The following RXYLT1 variants were observed in gnomAD, a reference collection of about 807,000 sequenced individuals.
The protein encoded by RXYLT1 is ribitol xylosyltransferase 1, also known as ribitol-5-phosphate xylosyltransferase 1.
Under a neutral mutation model 43.5 loss-of-function variants are expected in RXYLT1, and 41 were observed. The ratio of observed to expected loss-of-function variants is 0.94; its 90% CI spans 0.73 to 1.22. RXYLT1 has a LOEUF of 1.22. Among genes scored for constraint, RXYLT1 ranks in the 50% most tolerant of loss-of-function variants. The pLI, the probability that RXYLT1 is intolerant of heterozygous loss-of-function variation, is 0.00. For missense variants in RXYLT1, 514 were observed against 532.0 expected (o/e 0.97, Z 0.33); for synonymous variants, 166 against 194.4 (o/e 0.85, Z 1.21).
chr12:63,784,068 C>T lies in RXYLT1; in HGVS notation c.326-902C>T, dbSNP rs536470049. ...TAGATAATCTATAATAATCTCTTCA[C>T]CTCAGCATCCTTAACTTAATCATAT... On this transcript the variant is annotated intron_variant, in intron 2 of 5. Transcript: ENST00000261234. Among the ~76,000 whole-genome samples, 3 of 152,246 alleles carry T rather than the reference C, an allele frequency of 2.0e-5. No individual in the cohort carries two copies. In the East Asian group the frequency reaches 5.8e-4, roughly 29 times the overall value.
intron 3 of RXYLT1, among the ~76,000 whole-genome samples, chr12:63,786,471 A>G (rs2136222714): frequency 6.6e-6 from 1 of 152,284 alleles, no homozygotes; most frequent in South Asian, 2.1e-4. Flanking sequence ...TTATGTTTAC[A>G]CTGTACTACA....
rs1262523973 is a variant in RXYLT1, at chr12:63,780,049, G to A, written c.89G>A (p.Gly30Glu). Residue 30 changes from glycine to glutamate, a missense_variant, in exon 1 of 6, where the codon GGG becomes GAG. Physicochemically the swap from Gly to Glu is moderately conservative, Grantham distance 98. Transcript: ENST00000261234. ...TACGCTGCCTACCACGTCTTCTTCG[G>A]GCGCCGCCGCCAGGCGCCGGCCGGG... ...SLYAAYHVFF[G>E]RRRQAPAGSP... The A allele has an allele frequency of 1.9e-6, 3 of 1,606,818 alleles. No homozygotes were observed. Among genetic ancestry groups the A allele is most frequent in the South Asian group, 2.2e-5 (2 of 90,940 alleles).
At position 63,781,082 on chromosome 12, in the gene RXYLT1, AAC is replaced by A. The variant is rs1897671226; in HGVS notation, c.237_238del (p.His79GlnfsTer3). 1.9e-6 allele frequency: 3 copies of A among 1,610,516 alleles called. No individual in the cohort carries two copies. Among genetic ancestry groups the A allele is most frequent in the Non-Finnish European group, 2.5e-6 (3 of 1,178,760 alleles). The stretch of plus-strand genomic sequence containing the variant: ...GAAGGAGATGAAAAAAATGAGCAAC[AAC>A]ACAGATTTAAAACTAGCCTTCAAAT... On this transcript the variant is annotated frameshift_variant, in exon 2 of 6. Coordinates refer to ENST00000261234, the MANE Select transcript of RXYLT1 (RefSeq NM_014254.3). LOFTEE classifies it high-confidence loss of function.
chr12:63,789,062 C>T (rs1897865975), intron 3 of RXYLT1, among the ~76,000 whole-genome samples: 1 of 152,152 alleles, frequency 6.6e-6, no homozygotes, highest in Middle Eastern at 3.4e-3. Context: ...TTTTACTGGC[C>T]CAACCAGAAA....
At chr12:63,790,325 A>G (rs1565901530) in intron 3 of RXYLT1, 1 of 152,052 alleles carries the variant, frequency 6.6e-6, no homozygotes, top group Non-Finnish European at 1.5e-5. Flanking sequence ...TCAGAAAGAA[A>G]GACAGAAATA....
intron 5 of RXYLT1, 108 bp from the exon 6 acceptor site, chr12:63,808,565 TAA>T: frequency 8.0e-7 from 1 of 1,255,242 alleles, no homozygotes; most frequent in East Asian, 2.5e-5. Context: ...ATCATCTCTA[TAA>T]AGTTTCACCA....
rs1172822688 is a variant in RXYLT1 at position 63,780,109 on chromosome 12, C to G, written c.149C>G (p.Ala50Gly). ...PRGLRKGAAPARERRGREQST... is the reference protein window; with the variant it reads ...PRGLRKGAAPGRERRGREQST... Reference sequence around the variant, plus strand: ...GGCCTCAGGAAGGGGGCGGCCCCCGCGCGGGAGAGACGCGGCCGAGGTAGG... The same window carrying G: ...GGCCTCAGGAAGGGGGCGGCCCCCGGGCGGGAGAGACGCGGCCGAGGTAGG... Residue 50 changes from alanine (A) to glycine (G), a missense_variant, in exon 1 of 6, where the codon GCG becomes GGG. Transcript: ENST00000261234. 1 of 1,537,192 alleles carries G rather than the reference C, an allele frequency of 6.5e-7. No homozygotes were observed. Among genetic ancestry groups the G allele is most frequent in the African/African-American group, 1.4e-5 (1 of 71,454 alleles).
intron 2 of RXYLT1, among the ~76,000 whole-genome samples, chr12:63,781,843 A>G (rs946529610): frequency 1.3e-5 from 2 of 152,196 alleles, no homozygotes; most frequent in African/African-American, 2.4e-5. Context: ...GGGTTTATGT[A>G]CAATAAGGCA....
chr12:63,794,465 T>C (rs1290783542), intron 3 of RXYLT1, among the ~76,000 whole-genome samples: 1 of 152,234 alleles, frequency 6.6e-6, no homozygotes, highest in Admixed American at 6.5e-5. Context: ...ATCCATTAAT[T>C]CATTTCTACC....
chr12:63,805,144 G>A (rs1373410305), intron 4 of RXYLT1, 90 bp from the exon 5 acceptor site: 11 of 992,410 alleles, frequency 1.1e-5, no homozygotes, highest in Admixed American at 2.7e-5. Flanking sequence ...AACCTCTTCT[G>A]TATACTTCTT....
intron 3 of RXYLT1, among the ~76,000 whole-genome samples, chr12:63,801,663 A>G (rs1898161551): frequency 6.6e-6 from 1 of 152,044 alleles, no homozygotes; most frequent in African/African-American, 2.4e-5. Flanking sequence ...CTACAAAAAA[A>G]TACGAAAAAT....
At chr12:63,792,678 CT>C (rs1185571568) in intron 3 of RXYLT1, among the ~76,000 whole-genome samples, 1 of 152,136 alleles carries the variant, frequency 6.6e-6, no homozygotes, top group Non-Finnish European at 1.5e-5. Context: ...GTTCCAGGGG[CT>C]TTTACAGATA....
Position 63,780,139 on chromosome 12 carries a change from G to T in RXYLT1, c.169+10G>T. 2 of 1,468,482 alleles carry T rather than the reference G, an allele frequency of 1.4e-6. No homozygotes were observed. Among genetic ancestry groups the T allele is most frequent in the South Asian group, 1.4e-5 (1 of 72,952 alleles). The allele number at this position is 1,468,482 out of a possible 1,614,324, so 91.0% of individuals were successfully genotyped here. On this transcript the variant is annotated intron_variant, in intron 1 of 5. Transcript: ENST00000261234. ...GAGAGACGCGGCCGAGGTAGGACTG[G>T]GTCGGCGGCTTCCTTCCGGCTCTGC...
chr12:63,790,972 T>C (rs1354389682), intron 3 of RXYLT1, among the ~76,000 whole-genome samples: 2 of 152,370 alleles, frequency 1.3e-5, no homozygotes, highest in East Asian at 3.9e-4. Context: ...TTTATTTTAG[T>C]GTTCCTTAAC....
At chr12:63,784,825 T>C in intron 2 of RXYLT1, 145 bp from the exon 3 acceptor site, 2 of 560,706 alleles carry the variant, frequency 3.6e-6, no homozygotes. Flanking sequence ...TGTTGCTTGA[T>C]AGCACTGCCT....
intron 3 of RXYLT1, among the ~76,000 whole-genome samples, chr12:63,800,197 C>T (rs768969712): frequency 2.6e-5 from 4 of 152,130 alleles, no homozygotes; most frequent in African/African-American, 7.2e-5. Flanking sequence ...GTTGAGAACT[C>T]GTCATTGCCA....
intron 5 of RXYLT1, chr12:63,807,113 T>C (rs7131808): frequency 2.0e-5 from 3 of 152,338 alleles, no homozygotes; most frequent in African/African-American, 7.2e-5. Context: ...TTCCAGCTCA[T>C]TCCGTGTAAT....
chr12:63,805,412 C>T lies in RXYLT1; in HGVS notation c.914+8C>T. ...GGTTTCAGCAAGAGAACAGTAAGTT[C>T]TATGCTTATTTAATTCATTCATTTT... On this transcript the variant is annotated splice_region_variant and intron_variant, in intron 5 of 5. Transcript: ENST00000261234. The T allele has an allele frequency of 6.4e-7, 1 of 1,568,592 alleles. No homozygotes were observed. Among genetic ancestry groups the T allele is most frequent in the South Asian group, 1.2e-5 (1 of 83,208 alleles).
At chr12:63,784,211 G>A (rs1303367922) in intron 2 of RXYLT1, among the ~76,000 whole-genome samples, 3 of 152,160 alleles carry the variant, frequency 2.0e-5, no homozygotes, top group Admixed American at 6.5e-5. Flanking sequence ...TTTGGAAAGC[G>A]TTATCTAATT....
Sources: gnomAD v4.1 joint callset for allele counts (sites outside exome capture counted in the v4.1 genomes callset) on GRCh38, gnomAD v4.1.1 for gene constraint, MANE v1.5 for transcripts, NCBI Gene and HGNC (gene_info 2026-07-23, HGNC 2026-07-21) for gene names.